B3GALT1: variants seen among roughly 807,000 people sequenced by gnomAD.
B3GALT1 encodes the protein beta-1,3-galactosyltransferase 1.
A neutral mutation model predicts 23.2 loss-of-function variants in B3GALT1; 10 were observed. That is an observed-to-expected ratio of 0.43 (90% CI 0.27 to 0.73). The LOEUF (loss-of-function observed/expected upper bound fraction) is 0.73. Among genes scored for constraint, B3GALT1 ranks in the 30% least tolerant of loss-of-function variants. The pLI is 0.21. For synonymous variants in B3GALT1, 156 were observed against 141.5 expected, an observed-to-expected ratio of 1.10 and a Z score of -0.73; for missense variants, 299 against 405.4, an observed-to-expected ratio of 0.74 and a Z score of 2.25.
chr2:167,780,640 CATTG>C (rs1229847843), intron 3 of B3GALT1, among the ~76,000 whole-genome samples: 1 of 152,154 alleles, frequency 6.6e-6, no homozygotes, highest in Admixed American at 6.5e-5. Flanking sequence ...TTGGATGCAT[CATTG>C]TCCTCTGGAG....
intron 3 of B3GALT1, among the ~76,000 whole-genome samples, chr2:167,733,648 C>T (rs1687444882): frequency 6.6e-6 from 1 of 152,154 alleles, no homozygotes; most frequent in South Asian, 2.1e-4. Flanking sequence ...GCAGCAGAGG[C>T]ACAGAGAGGC....
chr2:167,377,906 T>C (rs1345796644), intron 1 of B3GALT1, among the ~76,000 whole-genome samples: 1 of 152,168 alleles, frequency 6.6e-6, no homozygotes, highest in Admixed American at 6.5e-5. Context: ...GTGTGGTTGC[T>C]TTATAGTGTT....
chr2:167,482,414 C>A (rs1699573158), intron 1 of B3GALT1, among the ~76,000 whole-genome samples: 1 of 152,160 alleles, frequency 6.6e-6, no homozygotes, highest in East Asian at 1.9e-4. Flanking sequence ...TAAATTAACT[C>A]TTTCAGGACA....
chr2:167,476,131 A>C (rs1699481750), intron 1 of B3GALT1, among the ~76,000 whole-genome samples: 1 of 152,148 alleles, frequency 6.6e-6, no homozygotes, highest in Non-Finnish European at 1.5e-5. Flanking sequence ...CAGGACTTCA[A>C]CCTATGAATT....
chr2:167,631,769 C>CTTTTTT (rs558837779), intron 2 of B3GALT1, among the ~76,000 whole-genome samples: 3 of 120,566 alleles, frequency 2.5e-5, no homozygotes, highest in African/African-American at 6.3e-5. Flanking sequence ...CTTTTCTTTT[C>CTTTTTT]TTTTTTTTTT....
At position 167,429,328 on chromosome 2, in the gene B3GALT1, G is replaced by A. The variant is rs73023859; in HGVS notation, c.-510-60849G>A. Among the ~76,000 whole-genome samples the A allele has an allele frequency of 3.3e-3, 493 of 151,578 alleles. 2 individuals are homozygous for A. The highest frequency in any genetic ancestry group is 0.012 in the African/African-American group (479 of 41,342). ...AGAAATGTTTTAAAAATTGGAAGGC[G>A]TATGGGAGCAGAAGCTTTTGGAAAG... On this transcript the variant is annotated intron_variant, in intron 1 of 4. Coordinates refer to ENST00000392690, the MANE Select transcript of B3GALT1 (RefSeq NM_020981.4).
intron 2 of B3GALT1, among the ~76,000 whole-genome samples, chr2:167,530,054 C>T (rs566021551): frequency 1.3e-5 from 2 of 152,206 alleles, no homozygotes; most frequent in Non-Finnish European, 2.9e-5. Context: ...AGCTCACTTC[C>T]TACAAATCTC....
At chr2:167,474,360 C>T (rs1206809236) in intron 1 of B3GALT1, among the ~76,000 whole-genome samples, 3 of 152,100 alleles carry the variant, frequency 2.0e-5, no homozygotes, top group Admixed American at 2.0e-4. Flanking sequence ...TGTCATCTAT[C>T]CTTTCCCTTG....
At chr2:167,377,001 C>T (rs78427533) in intron 1 of B3GALT1, among the ~76,000 whole-genome samples, 1 of 152,104 alleles carries the variant, frequency 6.6e-6, no homozygotes, top group African/African-American at 2.4e-5. Flanking sequence ...GTTCTTAACA[C>T]TGTTTTTGCT....
At chr2:167,508,102 C>G (rs1699948128) in intron 2 of B3GALT1, among the ~76,000 whole-genome samples, 1 of 152,128 alleles carries the variant, frequency 6.6e-6, no homozygotes, top group Non-Finnish European at 1.5e-5. Flanking sequence ...ACTCTCAGAA[C>G]TCTAATTCAC....
chr2:167,716,807 T>C (rs1189566630), intron 3 of B3GALT1, among the ~76,000 whole-genome samples: 3 of 152,230 alleles, frequency 2.0e-5, no homozygotes, highest in Non-Finnish European at 4.4e-5. Context: ...TTGTTATTCA[T>C]AGTGTTTATA....
intron 1 of B3GALT1, among the ~76,000 whole-genome samples, chr2:167,309,257 A>G (rs1162538448): frequency 1.3e-5 from 2 of 151,962 alleles, no homozygotes; most frequent in Non-Finnish European, 2.9e-5. Context: ...CTTTCCTCAC[A>G]TTTGTTTTGC....
chr2:167,728,959 G>A (rs1687364504), intron 3 of B3GALT1, among the ~76,000 whole-genome samples: 1 of 152,082 alleles, frequency 6.6e-6, no homozygotes, highest in Admixed American at 6.5e-5. Context: ...CTCAGATTCT[G>A]ACATGTTTTC....
At chr2:167,739,513 A>G (rs1164446609) in intron 3 of B3GALT1, among the ~76,000 whole-genome samples, 1 of 152,236 alleles carries the variant, frequency 6.6e-6, no homozygotes, top group Non-Finnish European at 1.5e-5. Flanking sequence ...TTAGAAAAGC[A>G]TGAGAAAGTG....
At chr2:167,374,510 G>C (rs1697733938) in intron 1 of B3GALT1, among the ~76,000 whole-genome samples, 1 of 152,036 alleles carries the variant, frequency 6.6e-6, no homozygotes, top group South Asian at 2.1e-4. Context: ...TTTCTCTACA[G>C]TTATCACCAG....
chr2:167,388,149 G>C (rs1172589827), intron 1 of B3GALT1, among the ~76,000 whole-genome samples: 1 of 152,178 alleles, frequency 6.6e-6, no homozygotes, highest in African/African-American at 2.4e-5. Context: ...ACTAAATCCT[G>C]CATTTATTGG....
chr2:167,583,019 A>G (rs1684515385), intron 2 of B3GALT1, among the ~76,000 whole-genome samples: 1 of 152,116 alleles, frequency 6.6e-6, no homozygotes, highest in Non-Finnish European at 1.5e-5. Context: ...TTGGTTGAAC[A>G]GCTCCCTGTT....
At chr2:167,597,529 C>T (rs536537921) in intron 2 of B3GALT1, among the ~76,000 whole-genome samples, 17 of 152,314 alleles carry the variant, frequency 1.1e-4, no homozygotes, top group Admixed American at 9.1e-4. Flanking sequence ...GTGCTGCCAA[C>T]TGACACTCAA....
intron 2 of B3GALT1, among the ~76,000 whole-genome samples, chr2:167,597,804 A>T (rs1684806870): frequency 6.6e-6 from 1 of 152,132 alleles, no homozygotes; most frequent in South Asian, 2.1e-4. Flanking sequence ...TGTAAAAATG[A>T]CTCTCCAATA....
Sources: allele counts gnomAD v4.1 joint callset (sites outside exome capture counted in the v4.1 genomes callset), GRCh38; gene constraint gnomAD v4.1.1; transcripts MANE v1.5; gene names NCBI Gene and HGNC (gene_info 2026-07-23, HGNC 2026-07-21).